The following GALNT10 variants were observed in gnomAD, a reference collection of about 807,000 sequenced individuals.
The protein encoded by GALNT10 is polypeptide N-acetylgalactosaminyltransferase 10.
A neutral mutation model predicts 75.0 loss-of-function variants in GALNT10; 41 were observed. That is an observed-to-expected ratio of 0.55 (90% CI 0.43 to 0.71). The LOEUF is 0.71. Ranked by LOEUF, GALNT10 falls within the 30% of genes least tolerant of loss-of-function variation. GALNT10 has a pLI of 0.00. For synonymous variants in GALNT10, 302 were observed against 313.0 expected (o/e 0.96, Z 0.37); for missense variants, 727 against 818.5 (o/e 0.89, Z 1.36).
At chr5:154,326,832 C>A (rs1754763632) in intron 3 of GALNT10, among the ~76,000 whole-genome samples, 1 of 152,018 alleles carries the variant, frequency 6.6e-6, no homozygotes, top group African/African-American at 2.4e-5. Context: ...GTTATATTTG[C>A]ACAACTCTGT....
At chr5:154,326,147 G>A (rs1754754021) in intron 3 of GALNT10, among the ~76,000 whole-genome samples, 1 of 151,108 alleles carries the variant, frequency 6.6e-6, no homozygotes, top group African/African-American at 2.4e-5. Flanking sequence ...ATGGCCAATA[G>A]GCATATGGAA....
rs115064374 is a variant in GALNT10 at position 154,418,442 on chromosome 5, A to T, written c.*1470A>T. 6.6e-6 allele frequency: 1 copy of T among 152,364 alleles called. No individual in the cohort carries two copies. Among genetic ancestry groups the T allele is most frequent in the African/African-American group, 2.4e-5 (1 of 41,580 alleles). 9.4% of individuals were successfully genotyped at this position (152,364 alleles called of 1,614,324 possible). On this transcript the variant is annotated 3_prime_UTR_variant, in exon 12 of 12. Transcript: ENST00000297107. Reference sequence around the variant, plus strand: ...CTAATAGGAAGCATTTCTGTAACCAACCTGCCACCCACTGATTCAGAAATG... The same window carrying T: ...CTAATAGGAAGCATTTCTGTAACCATCCTGCCACCCACTGATTCAGAAATG...
At chr5:154,246,232 A>C (rs1216983922) in intron 1 of GALNT10, among the ~76,000 whole-genome samples, 2 of 152,070 alleles carry the variant, frequency 1.3e-5, no homozygotes, top group Non-Finnish European at 2.9e-5. Flanking sequence ...AGTTGGTTCC[A>C]AGTCTTTGCT....
intron 4 of GALNT10, among the ~76,000 whole-genome samples, chr5:154,330,710 GC>G (rs1754843530): frequency 6.6e-6 from 1 of 152,192 alleles, no homozygotes. Context: ...ACCAATTGCA[GC>G]AAAATTAAGA....
At chr5:154,292,672 A>G (rs1236334417) in intron 1 of GALNT10, among the ~76,000 whole-genome samples, 1 of 152,100 alleles carries the variant, frequency 6.6e-6, no homozygotes, top group Non-Finnish European at 1.5e-5. Flanking sequence ...CAGCTTCCAG[A>G]TATATTTGTT....
intron 3 of GALNT10, among the ~76,000 whole-genome samples, chr5:154,312,739 T>C (rs1299396854): frequency 6.6e-6 from 1 of 152,228 alleles, no homozygotes; most frequent in Admixed American, 6.5e-5. Flanking sequence ...TTTCTCCTCT[T>C]TTATGAATCA....
intron 4 of GALNT10, among the ~76,000 whole-genome samples, chr5:154,331,640 A>T (rs1396342585): frequency 6.6e-6 from 1 of 152,172 alleles, no homozygotes; most frequent in African/African-American, 2.4e-5. Flanking sequence ...TCTGTTGTGG[A>T]CATTCCTTAT....
At chr5:154,223,431 A>G (rs1348758112) in intron 1 of GALNT10, among the ~76,000 whole-genome samples, 1 of 152,228 alleles carries the variant, frequency 6.6e-6, no homozygotes, top group African/African-American at 2.4e-5. Flanking sequence ...CCTTTGGGCT[A>G]AATTGCCTCT....
chr5:154,197,857 C>G (rs973246124), intron 1 of GALNT10, among the ~76,000 whole-genome samples: 2 of 152,146 alleles, frequency 1.3e-5, no homozygotes, highest in African/African-American at 4.8e-5. Context: ...CAGGTGCTTG[C>G]CCAAGGATGC....
Position 154,420,431 on chromosome 5 carries a change from A to T in GALNT10, c.*3459A>T, listed in dbSNP as rs1046951808. 2 of 152,220 alleles carry T rather than the reference A, an allele frequency of 1.3e-5. No individual in the cohort carries two copies. The highest frequency in any genetic ancestry group is 2.9e-5 in the Non-Finnish European group (2 of 68,048). 9.4% of individuals were successfully genotyped at this position (152,220 alleles called of 1,614,324 possible). A position where few individuals can be genotyped will look rare whatever the true frequency, so the allele number is the denominator to read the frequency against. On this transcript the variant is annotated 3_prime_UTR_variant, in exon 12 of 12. Transcript: ENST00000297107. ...GAGTGGCAAAGCACTTTACAGTAGT[A>T]ACTGAGGAATCAGAGTCTCTGCTTC... is the stretch of plus-strand genomic sequence containing the variant.
intron 1 of GALNT10, among the ~76,000 whole-genome samples, chr5:154,213,133 G>A (rs1752799061): frequency 6.6e-6 from 1 of 152,142 alleles, no homozygotes; most frequent in Admixed American, 6.5e-5. Context: ...CACAGTGCCT[G>A]GCATGTGATG....
chr5:154,362,948 C>T (rs1051390881), intron 4 of GALNT10, among the ~76,000 whole-genome samples: 3 of 152,180 alleles, frequency 2.0e-5, no homozygotes, highest in African/African-American at 4.8e-5. Context: ...AATCACAGAG[C>T]CCAGTGTTCT....
chr5:154,338,961 G>A (rs1169964634), intron 4 of GALNT10, among the ~76,000 whole-genome samples: 1 of 152,206 alleles, frequency 6.6e-6, no homozygotes, highest in Non-Finnish European at 1.5e-5. Context: ...CATGGCACAA[G>A]GAGGACAGAT....
intron 1 of GALNT10, among the ~76,000 whole-genome samples, chr5:154,264,526 T>C (rs1040230583): frequency 2.0e-5 from 3 of 152,114 alleles, no homozygotes; most frequent in Admixed American, 2.0e-4. Context: ...ATGTATATAA[T>C]GTATATATAG....
At position 154,374,331 on chromosome 5, in the gene GALNT10, A is replaced by G. The variant is rs537511266; in HGVS notation, c.569-1946A>G. 2.6e-5 allele frequency among the ~76,000 whole-genome samples: 4 copies of G among 152,294 alleles called. No homozygotes were observed. In the South Asian group the frequency reaches 8.3e-4, roughly 32 times the overall value. On this transcript the variant is annotated intron_variant, in intron 4 of 11. Coordinates refer to ENST00000297107, the MANE Select transcript of GALNT10 (RefSeq NM_198321.4). ...GCCTCTGGTTGTATGTATGTAGATC[A>G]TCTTTTCTCTGTATTCTAATTTCTC...
rs1266109380 is a variant in GALNT10, at chr5:154,402,218, G to A, written c.1057-1886G>A. ...TGCGGGAGCCCTGCCCGCGTCTCTG[G>A]CCTCCCCTCCCATCCCTCTTCCCCT... On this transcript the variant is annotated intron_variant, in intron 7 of 11. Coordinates refer to ENST00000297107, the MANE Select transcript of GALNT10 (RefSeq NM_198321.4). The surrounding 1 kb of genome is among the most constrained non-coding windows in gnomAD (Gnocchi z 4.2). Among the ~76,000 whole-genome samples, 1 of 152,136 alleles carries A rather than the reference G, an allele frequency of 6.6e-6. No homozygotes were observed. Among genetic ancestry groups the A allele is most frequent in the Non-Finnish European group, 1.5e-5 (1 of 68,014 alleles).
chr5:154,237,553 C>T (rs1005272855), intron 1 of GALNT10, among the ~76,000 whole-genome samples: 15 of 152,188 alleles, frequency 9.9e-5, no homozygotes, highest in African/African-American at 3.6e-4. Flanking sequence ...GGACAGATCC[C>T]GGTTCCCCTT....
chr5:154,284,930 G>A (rs1157448141), intron 1 of GALNT10, among the ~76,000 whole-genome samples: 1 of 152,120 alleles, frequency 6.6e-6, no homozygotes, highest in Admixed American at 6.5e-5. Flanking sequence ...TAATAATATA[G>A]TCAAGTCTAA....
At chr5:154,244,012 T>A (rs1207689913) in intron 1 of GALNT10, among the ~76,000 whole-genome samples, 1 of 152,230 alleles carries the variant, frequency 6.6e-6, no homozygotes, top group African/African-American at 2.4e-5. Flanking sequence ...CTTGCCCTGG[T>A]CACTCAGTGG....
Sources: gnomAD v4.1 joint callset for allele counts (sites outside exome capture counted in the v4.1 genomes callset) on GRCh38, gnomAD v4.1.1 for gene constraint, Gnocchi (gnomAD v3.1) non-coding constraint, MANE v1.5 for transcripts, NCBI Gene and HGNC (gene_info 2026-07-23, HGNC 2026-07-21) for gene names.